The following ZNF521 variants were observed in gnomAD, a reference collection of about 807,000 sequenced individuals.
ZNF521 encodes the protein LYST-interacting protein 3.
A neutral mutation model predicts 105.5 loss-of-function variants in ZNF521; 14 were observed. The ratio of observed to expected loss-of-function variants is 0.13; its 90% confidence interval spans 0.09 to 0.21. The LOEUF (loss-of-function observed/expected upper bound fraction) is 0.21, where lower values mean the gene tolerates loss of function less well. ZNF521 is among the 10% of genes least tolerant of loss of function. The pLI is 1.00. For synonymous variants in ZNF521, 635 were observed against 606.0 expected (o/e 1.05, Z -0.70); for missense variants, 1,233 against 1,629.7 (o/e 0.76, Z 4.19).
intron 3 of ZNF521, among the ~76,000 whole-genome samples, chr18:25,311,082 G>A (rs563036148): frequency 6.6e-6 from 1 of 152,250 alleles, no homozygotes; most frequent in Non-Finnish European, 1.5e-5. Context: ...AAGAAAGGAG[G>A]AGTGAAGAGT....
intron 3 of ZNF521, among the ~76,000 whole-genome samples, chr18:25,284,501 C>G (rs1462664189): frequency 6.6e-6 from 1 of 152,054 alleles, no homozygotes; most frequent in African/African-American, 2.4e-5. Flanking sequence ...CAGAAAGCAG[C>G]CAAAAAATAC....
intron 5 of ZNF521, among the ~76,000 whole-genome samples, chr18:25,194,194 T>G (rs188037910): frequency 2.0e-4 from 30 of 151,870 alleles, no homozygotes; most frequent in Admixed American, 1.7e-3. Flanking sequence ...AGTTTCATAG[T>G]AGGAGAGTAT....
At chr18:25,321,453 T>TA (rs1252338051) in intron 3 of ZNF521, among the ~76,000 whole-genome samples, 1 of 152,192 alleles carries the variant, frequency 6.6e-6, no homozygotes, top group Non-Finnish European at 1.5e-5. Context: ...TAGGCTTAGA[T>TA]AATGCGAGAA....
intron 4 of ZNF521, among the ~76,000 whole-genome samples, chr18:25,220,288 T>C (rs1370898063): frequency 6.6e-6 from 1 of 152,192 alleles, no homozygotes. Context: ...CATTGGTCAA[T>C]TAGGCCAGAA....
At chr18:25,150,684 G>A (rs147661631) in intron 5 of ZNF521, among the ~76,000 whole-genome samples, 100 of 152,070 alleles carry the variant, frequency 6.6e-4, no homozygotes, top group African/African-American at 2.2e-3. Context: ...AGTATCCTGG[G>A]ATCCCTTCCT....
chr18:25,086,937 G>C (rs1471822555), intron 7 of ZNF521, among the ~76,000 whole-genome samples: 1 of 152,104 alleles, frequency 6.6e-6, no homozygotes, highest in South Asian at 2.1e-4. Context: ...AAACACTTAT[G>C]AGAGGTCTGT....
At chr18:25,291,573 T>C (rs1911023479) in intron 3 of ZNF521, among the ~76,000 whole-genome samples, 1 of 152,162 alleles carries the variant, frequency 6.6e-6, no homozygotes, top group South Asian at 2.1e-4. Flanking sequence ...GTTAGTTGAA[T>C]TGTGAGGCTC....
chr18:25,159,472 AG>A (rs2035210076), intron 5 of ZNF521, among the ~76,000 whole-genome samples: 1 of 152,118 alleles, frequency 6.6e-6, no homozygotes, highest in Admixed American at 6.5e-5. Context: ...TGTAAAAAAC[AG>A]GAGTGTTGCT....
At chr18:25,106,654 GCAATTAA>G (rs2034079823) in intron 5 of ZNF521, among the ~76,000 whole-genome samples, 1 of 152,100 alleles carries the variant, frequency 6.6e-6, no homozygotes, top group Non-Finnish European at 1.5e-5. Context: ...GGTCACGAAT[GCAATTAA>G]GCCTGCTTGT....
rs886259029 is a variant in ZNF521 at position 25,083,502 on chromosome 18, G to A, written c.3906+5963C>T. Among the ~76,000 whole-genome samples the A allele has an allele frequency of 1.7e-4, 26 of 152,176 alleles. No individual in the cohort carries two copies. In the South Asian group the frequency reaches 5.2e-3, roughly 30 times the overall value. The stretch of plus-strand genomic sequence containing the variant: ...TCTGTGAGTGTCTATTATGTTCTCC[G>A]AATTCCATAACCATCCATCCAAACC... On this transcript the variant is annotated intron_variant, in intron 7 of 7. Coordinates refer to ENST00000361524, the MANE Select transcript of ZNF521 (RefSeq NM_015461.3).
At chr18:25,132,497 TC>T (rs1340229005) in intron 5 of ZNF521, among the ~76,000 whole-genome samples, 1 of 152,182 alleles carries the variant, frequency 6.6e-6, no homozygotes, top group African/African-American at 2.4e-5. Context: ...GTTTTATGTT[TC>T]CCTGAGTATG....
chr18:25,204,107 A>G (rs1370516223), intron 4 of ZNF521, among the ~76,000 whole-genome samples: 1 of 152,184 alleles, frequency 6.6e-6, no homozygotes, highest in Admixed American at 6.5e-5. Flanking sequence ...GAAGTGGAGC[A>G]GGTGGTAGCA....
intron 6 of ZNF521, among the ~76,000 whole-genome samples, chr18:25,090,222 A>C (rs1335755233): frequency 6.6e-6 from 1 of 152,208 alleles, no homozygotes; most frequent in East Asian, 1.9e-4. Flanking sequence ...TAATAATTAA[A>C]TTGTATATGC....
chr18:25,283,520 A>G (rs1377339454), intron 3 of ZNF521, among the ~76,000 whole-genome samples: 1 of 152,238 alleles, frequency 6.6e-6, no homozygotes, highest in East Asian at 1.9e-4. Context: ...CATTAGTTTA[A>G]AAACACCAAC....
intron 4 of ZNF521, among the ~76,000 whole-genome samples, chr18:25,206,085 C>A (rs978077875): frequency 1.3e-5 from 2 of 152,070 alleles, no homozygotes; most frequent in Non-Finnish European, 2.9e-5. Context: ...CTCACTGCAA[C>A]CTCCACCTCC....
At chr18:25,310,592 A>C (rs1912248403) in intron 3 of ZNF521, among the ~76,000 whole-genome samples, 1 of 152,140 alleles carries the variant, frequency 6.6e-6, no homozygotes, top group Admixed American at 6.5e-5. Flanking sequence ...AAATAGTGAA[A>C]GCCATCAATT....
intron 2 of ZNF521, among the ~76,000 whole-genome samples, chr18:25,329,607 G>T (rs779080246): frequency 6.6e-6 from 1 of 152,206 alleles, no homozygotes; most frequent in African/African-American, 2.4e-5. Context: ...AAATGGGGGC[G>T]AGGGAGGGAT....
intron 7 of ZNF521, among the ~76,000 whole-genome samples, chr18:25,077,701 A>G (rs2033395536): frequency 6.6e-6 from 1 of 152,134 alleles, no homozygotes; most frequent in Non-Finnish European, 1.5e-5. Context: ...CAGTCCAGAA[A>G]ATGAATCCAA....
At chr18:25,114,959 C>T (rs975414433) in intron 5 of ZNF521, among the ~76,000 whole-genome samples, 1 of 152,086 alleles carries the variant, frequency 6.6e-6, no homozygotes, top group African/African-American at 2.4e-5. Flanking sequence ...TTTGTAAATT[C>T]TTGTTTTATT....
Sources: gnomAD v4.1 joint callset for allele counts (sites outside exome capture counted in the v4.1 genomes callset) on GRCh38, gnomAD v4.1.1 for gene constraint, MANE v1.5 for transcripts, NCBI Gene and HGNC (gene_info 2026-07-23, HGNC 2026-07-21) for gene names.